The following MAST4 variants were observed in gnomAD, a reference collection of about 807,000 sequenced individuals.
The protein encoded by MAST4 is microtubule associated serine/threonine kinase family member 4, also known as microtubule-associated serine/threonine-protein kinase 4.
MAST4 carries 89 observed loss-of-function variants against 162.7 expected under a neutral mutation model. The observed-to-expected ratio is 0.55, with a 90% CI of 0.46 to 0.65. The LOEUF is 0.65. MAST4 is among the 30% of genes least tolerant of loss of function. The pLI, the probability that MAST4 is intolerant of heterozygous loss-of-function variation, is 0.00. For synonymous variants in MAST4, 1,479 were observed against 1,361.1 expected, an observed-to-expected ratio of 1.09 and a Z score of -1.91; for missense variants, 3,153 against 3,374.0, an observed-to-expected ratio of 0.93 and a Z score of 1.62.
chr5:66,710,375 G>C (rs1750417547), intron 1 of MAST4, among the ~76,000 whole-genome samples: 1 of 152,142 alleles, frequency 6.6e-6, no homozygotes, highest in African/African-American at 2.4e-5. Context: ...TACTTGATAA[G>C]TGGACAAAAG....
In MAST4 at chr5:66,941,656, A is replaced by G. The variant is rs144257104; in HGVS notation, c.674+41674A>G. ...GGAGTAGCACTTTCAATTTCCTTCAAGAACTTTTCCTTTGCATTTACAACT... is the reference window on the plus strand; with the variant it reads ...GGAGTAGCACTTTCAATTTCCTTCAGGAACTTTTCCTTTGCATTTACAACT... On this transcript the variant is annotated intron_variant, in intron 4 of 28. Coordinates refer to ENST00000403625, the MANE Select transcript of MAST4 (RefSeq NM_001164664.2). 6.9e-3 allele frequency among the ~76,000 whole-genome samples: 1,047 copies of G among 152,260 alleles called. 15 individuals are homozygous for G. Among genetic ancestry groups the G allele is most frequent in the African/African-American group, 0.024 (1,001 of 41,552 alleles).
intron 1 of MAST4, among the ~76,000 whole-genome samples, chr5:66,659,600 A>C (rs1746774509): frequency 6.6e-6 from 1 of 152,234 alleles, no homozygotes; most frequent in South Asian, 2.1e-4. Context: ...GTCATAACTT[A>C]AATTCTGATG....
chr5:66,975,427 G>A (rs967619315), intron 4 of MAST4, among the ~76,000 whole-genome samples: 2 of 152,162 alleles, frequency 1.3e-5, no homozygotes, highest in African/African-American at 4.8e-5. Context: ...GAGCCCAGGA[G>A]TAAGGGAGCC....
intron 1 of MAST4, among the ~76,000 whole-genome samples, chr5:66,623,627 G>C (rs999078102): frequency 6.6e-6 from 1 of 152,186 alleles, no homozygotes; most frequent in Admixed American, 6.6e-5. Flanking sequence ...GAGGAACTTA[G>C]TAAAAGCCAT....
At chr5:67,076,881 A>G (rs540785159) in intron 5 of MAST4, among the ~76,000 whole-genome samples, 4 of 152,336 alleles carry the variant, frequency 2.6e-5, no homozygotes, top group East Asian at 3.9e-4. Context: ...TTAGCAATAC[A>G]AACTCTGAGG....
chr5:66,891,727 C>T (rs1762376541), intron 3 of MAST4, among the ~76,000 whole-genome samples: 1 of 152,190 alleles, frequency 6.6e-6, no homozygotes, highest in African/African-American at 2.4e-5. Context: ...CTCACCTACT[C>T]CCAAGGCTGC....
At chr5:67,085,477 C>T (rs1048372655) in intron 5 of MAST4, among the ~76,000 whole-genome samples, 7 of 152,158 alleles carry the variant, frequency 4.6e-5, no homozygotes, top group African/African-American at 1.7e-4. Context: ...TATTTGTTGG[C>T]TCAATCAGTC....
intron 1 of MAST4, among the ~76,000 whole-genome samples, chr5:66,739,568 A>G (rs1041286572): frequency 1.8e-4 from 27 of 152,162 alleles, no homozygotes; most frequent in African/African-American, 5.8e-4. Flanking sequence ...CCTCAACAGC[A>G]TATCTCTCAA....
In MAST4 at chr5:66,646,528, A is replaced by G. The variant is rs145513890; in HGVS notation, c.363+49510A>G. Reference sequence around the variant, plus strand: ...GTAGTAATAACAAAAACACGGTGATAAAGCATAAACCTAATATAATTTTTC... The same window carrying G: ...GTAGTAATAACAAAAACACGGTGATGAAGCATAAACCTAATATAATTTTTC... On this transcript the variant is annotated intron_variant, in intron 1 of 28. Transcript: ENST00000403625. Among the ~76,000 whole-genome samples, 321 of 152,332 alleles carry G rather than the reference A, an allele frequency of 2.1e-3. 2 individuals carry two copies. The highest frequency in any genetic ancestry group is 7.4e-3 in the African/African-American group (308 of 41,576).
chr5:66,774,073 G>A (rs1754474883), intron 2 of MAST4, among the ~76,000 whole-genome samples: 1 of 152,196 alleles, frequency 6.6e-6, no homozygotes, highest in South Asian at 2.1e-4. Flanking sequence ...TTCCAGTAAT[G>A]TAGGATGGCC....
At chr5:67,013,364 A>G (rs1752913400) in intron 4 of MAST4, among the ~76,000 whole-genome samples, 1 of 152,170 alleles carries the variant, frequency 6.6e-6, no homozygotes. Flanking sequence ...GGGAATGAGA[A>G]ACTGAAAATG....
At chr5:66,613,037 A>AAG (rs1743396125) in intron 1 of MAST4, among the ~76,000 whole-genome samples, 1 of 152,184 alleles carries the variant, frequency 6.6e-6, no homozygotes, top group Admixed American at 6.5e-5. Context: ...TGTTTCTTTA[A>AAG]AAAGATTTGT....
At chr5:66,739,490 G>T (rs1397165411) in intron 1 of MAST4, among the ~76,000 whole-genome samples, 1 of 152,154 alleles carries the variant, frequency 6.6e-6, no homozygotes, top group Admixed American at 6.5e-5. Flanking sequence ...TTTAGAAATA[G>T]CCAGACCTCC....
chr5:67,104,454 G>GT lies in MAST4; in HGVS notation c.1238dup (p.Thr414HisfsTer7), dbSNP rs1415263606. 1 of 1,613,892 alleles carries GT rather than the reference G, an allele frequency of 6.2e-7. No homozygotes were observed. Among genetic ancestry groups the GT allele is most frequent in the Admixed American group, 1.7e-5 (1 of 60,030 alleles). ...CTACCCTTAGCAGATGGAGTGCTTAGTTTCACTCACCACCAGATTATTGAA... is the reference window on the plus strand; with the variant it reads ...CTACCCTTAGCAGATGGAGTGCTTAGTTTTCACTCACCACCAGATTATTGAA... On this transcript the variant is annotated frameshift_variant, in exon 10 of 29. Coordinates refer to ENST00000403625, the MANE Select transcript of MAST4 (RefSeq NM_001164664.2). LOFTEE classifies it high-confidence loss of function.
Position 66,649,486 on chromosome 5 carries a change from C to T in MAST4, c.363+52468C>T, listed in dbSNP as rs533383067. Reference sequence around the variant, plus strand: ...CACAGCCATCTGTGATGCCTTTGATCGAATCATCTGTCAAGTCCAGCCCAT... The same window carrying T: ...CACAGCCATCTGTGATGCCTTTGATTGAATCATCTGTCAAGTCCAGCCCAT... On this transcript the variant is annotated intron_variant, in intron 1 of 28. Transcript: ENST00000403625. Among the ~76,000 whole-genome samples, 81 of 152,222 alleles carry T rather than the reference C, an allele frequency of 5.3e-4. No individual in the cohort carries two copies. In the South Asian group the frequency reaches 0.015, roughly 27 times the overall value.
intron 1 of MAST4, among the ~76,000 whole-genome samples, chr5:66,617,702 C>T (rs548154396): frequency 6.6e-5 from 10 of 152,226 alleles, no homozygotes; most frequent in African/African-American, 1.7e-4. Context: ...CTTTCTGTTC[C>T]TCTTGTCCAC....
chr5:67,134,052 C>T (rs1769323456), intron 17 of MAST4, among the ~76,000 whole-genome samples: 1 of 152,136 alleles, frequency 6.6e-6, no homozygotes, highest in South Asian at 2.1e-4. Context: ...ATTACCATGT[C>T]CCCACAATCT....
chr5:66,615,730 C>T (rs1302035566), intron 1 of MAST4, among the ~76,000 whole-genome samples: 1 of 152,020 alleles, frequency 6.6e-6, no homozygotes, highest in Non-Finnish European at 1.5e-5. Context: ...GAGGATTGAG[C>T]CCAGGAATTT....
chr5:66,895,613 T>G (rs1762634756), intron 3 of MAST4, among the ~76,000 whole-genome samples: 1 of 152,198 alleles, frequency 6.6e-6, no homozygotes, highest in Non-Finnish European at 1.5e-5. Flanking sequence ...TGTGTAAATC[T>G]TATGAAAACA....
Sources: allele counts gnomAD v4.1 joint callset (sites outside exome capture counted in the v4.1 genomes callset), GRCh38; gene constraint gnomAD v4.1.1; transcripts MANE v1.5; gene names NCBI Gene and HGNC (gene_info 2026-07-23, HGNC 2026-07-21).